EPB41L5: variants seen among roughly 807,000 people sequenced by gnomAD.
The protein encoded by EPB41L5 is band 4.1-like protein 5.
A neutral mutation model predicts 106.6 loss-of-function variants in EPB41L5; 55 were observed. The observed-to-expected ratio is 0.52, with a 90% CI of 0.42 to 0.65. The LOEUF (loss-of-function observed/expected upper bound fraction) is 0.65, where lower values mean the gene tolerates loss of function less well. EPB41L5 is among the 30% of genes least tolerant of loss of function. The pLI is 0.00. For missense variants in EPB41L5, 871 were observed against 882.1 expected, an observed-to-expected ratio of 0.99 and a Z score of 0.16; for synonymous variants, 297 against 306.7, an observed-to-expected ratio of 0.97 and a Z score of 0.33.
chr2:120,095,868 C>T (rs905812943), intron 14 of EPB41L5, among the ~76,000 whole-genome samples: 1 of 152,060 alleles, frequency 6.6e-6, no homozygotes, highest in Non-Finnish European at 1.5e-5. Context: ...CAGGATTTCA[C>T]CATGTTGGCC....
chr2:120,075,396 T>C, intron 5 of EPB41L5, 80 bp from the exon 6 acceptor site: 2 of 1,034,598 alleles, frequency 1.9e-6, no homozygotes, highest in South Asian at 1.4e-5. Flanking sequence ...GAAATAATAC[T>C]TCTCAAGTTA....
rs186364881 is a variant in EPB41L5 at position 120,029,946 on chromosome 2, A to T, written c.180+10682A>T. On this transcript the variant is annotated intron_variant, in intron 2 of 24. Coordinates refer to ENST00000263713, the MANE Select transcript of EPB41L5 (RefSeq NM_020909.4). ...GCCAGAGTTATTGACGGCTTTTTCCAGTCTTCGTAGCCCACACCTTGAGAA... is the reference window on the plus strand; with the variant it reads ...GCCAGAGTTATTGACGGCTTTTTCCTGTCTTCGTAGCCCACACCTTGAGAA... Among the ~76,000 whole-genome samples, 314 of 152,258 alleles carry T rather than the reference A, an allele frequency of 2.1e-3. 1 individual carries two copies. Among genetic ancestry groups the T allele is most frequent in the Non-Finnish European group, 1.9e-3 (127 of 68,008 alleles).
chr2:120,044,524 C>G (rs1679639230), intron 3 of EPB41L5, among the ~76,000 whole-genome samples: 1 of 152,124 alleles, frequency 6.6e-6, no homozygotes, highest in Non-Finnish European at 1.5e-5. Context: ...CTGTGACTTC[C>G]TGTTTTTTGA....
At position 120,013,222 on chromosome 2, in the gene EPB41L5, G is replaced by GCC. The variant is rs770550255; in HGVS notation, c.-9+14_-9+15dup. 3.3e-5 allele frequency: 5 copies of GCC among 151,836 alleles called. No individual in the cohort carries two copies. The East Asian group carries it at 7.8e-4, about 24-fold the overall frequency. 9.4% of individuals were successfully genotyped at this position (151,836 alleles called of 1,614,324 possible). A position where few individuals can be genotyped will look rare whatever the true frequency, so the allele number is the denominator to read the frequency against. On this transcript the variant is annotated intron_variant, in intron 1 of 24. Transcript: ENST00000263713. ...CGTCCCCAGCTCAGGTAAGCGCGAG[G>GCC]CCCGGCGGCGGCGCCGCAGTACAGT...
At chr2:120,032,374 G>A (rs78747338) in intron 2 of EPB41L5, among the ~76,000 whole-genome samples, 1,896 of 152,188 alleles carry the variant, frequency 0.012, 38 homozygotes, top group African/African-American at 0.044. Flanking sequence ...GTGAAACTTC[G>A]TCTCAAAAAC....
chr2:120,142,187 C>T (rs1448456029), intron 18 of EPB41L5, among the ~76,000 whole-genome samples: 3 of 149,368 alleles, frequency 2.0e-5, no homozygotes, highest in African/African-American at 7.4e-5. Context: ...TTAAGTGTAT[C>T]GTTCAGTGGT....
At chr2:120,157,016 A>G (rs553111631) in intron 20 of EPB41L5, among the ~76,000 whole-genome samples, 42 of 152,324 alleles carry the variant, frequency 2.8e-4, no homozygotes, top group African/African-American at 9.4e-4. Context: ...CACATACTCT[A>G]AAGTTGATTA....
chr2:120,106,142 A>C, intron 16 of EPB41L5: 1 of 985,330 alleles, frequency 1.0e-6, no homozygotes, highest in Non-Finnish European at 1.2e-6. Context: ...TTAAGGGAAG[A>C]TTCACCTCAT....
chr2:120,087,676 A>T (rs1414682985), intron 11 of EPB41L5, among the ~76,000 whole-genome samples: 1 of 152,232 alleles, frequency 6.6e-6, no homozygotes, highest in East Asian at 1.9e-4. Flanking sequence ...ATTTGTAGAG[A>T]TGGGATCTCA....
At chr2:120,047,350 G>A (rs986015969) in intron 3 of EPB41L5, among the ~76,000 whole-genome samples, 2 of 152,076 alleles carry the variant, frequency 1.3e-5, no homozygotes, top group Non-Finnish European at 2.9e-5. Flanking sequence ...GCAGTGGTTT[G>A]TAGTTCTCCT....
chr2:120,146,336 T>C (rs1686404243), intron 20 of EPB41L5, 47 bp downstream of exon 20: 1 of 1,405,826 alleles, frequency 7.1e-7, no homozygotes, highest in African/African-American at 1.4e-5. Flanking sequence ...TTATCTATCT[T>C]TGTCTTTTTT....
intron 16 of EPB41L5, among the ~76,000 whole-genome samples, chr2:120,118,954 C>G (rs998549895): frequency 2.0e-5 from 3 of 152,236 alleles, no homozygotes; most frequent in African/African-American, 2.4e-5. Flanking sequence ...TTCCCACCAA[C>G]AGTGTAAAAC....
chr2:120,066,654 TGTCTA>T (rs1334454890), intron 3 of EPB41L5, among the ~76,000 whole-genome samples: 1 of 152,208 alleles, frequency 6.6e-6, no homozygotes, highest in African/African-American at 2.4e-5. Context: ...CATTATCTAC[TGTCTA>T]GTCAGATTGC....
intron 3 of EPB41L5, among the ~76,000 whole-genome samples, chr2:120,058,877 C>G (rs1445731229): frequency 6.6e-6 from 1 of 152,186 alleles, no homozygotes; most frequent in Non-Finnish European, 1.5e-5. Context: ...TACCAGTTCT[C>G]CCCAAATTGA....
chr2:120,160,198 A>G (rs972826965), intron 20 of EPB41L5, among the ~76,000 whole-genome samples: 9 of 152,202 alleles, frequency 5.9e-5, no homozygotes, highest in Admixed American at 4.6e-4. Context: ...AAACCTGCAC[A>G]TGTACCTCTG....
intron 14 of EPB41L5, 121 bp from the exon 15 acceptor site, chr2:120,100,123 A>G: frequency 1.4e-6 from 1 of 718,640 alleles, no homozygotes. Context: ...TTTATTCTTT[A>G]TTTGAAACAA....
intron 2 of EPB41L5, among the ~76,000 whole-genome samples, chr2:120,024,927 C>T (rs182934090): frequency 6.6e-5 from 10 of 152,236 alleles, no homozygotes; most frequent in East Asian, 1.9e-4. Flanking sequence ...TGAGGATTTT[C>T]GCATCGATGT....
chr2:120,028,529 C>A lies in EPB41L5; in HGVS notation c.180+9265C>A, dbSNP rs1001308009. 2.0e-5 allele frequency among the ~76,000 whole-genome samples: 3 copies of A among 151,954 alleles called. No individual in the cohort carries two copies. The East Asian group carries it at 5.8e-4, about 29-fold the overall frequency. The stretch of plus-strand genomic sequence containing the variant: ...CCCGTGTGGGCAACAGAGAAAAAAA[C>A]AACAAAAGAAAGATACATAGGTTTA... On this transcript the variant is annotated intron_variant, in intron 2 of 24. Coordinates refer to ENST00000263713, the MANE Select transcript of EPB41L5 (RefSeq NM_020909.4).
chr2:120,120,665 C>T (rs1022578183), intron 16 of EPB41L5, among the ~76,000 whole-genome samples: 2 of 151,864 alleles, frequency 1.3e-5, no homozygotes, highest in Non-Finnish European at 2.9e-5. Flanking sequence ...GCTGTTACAC[C>T]TGGAAGCTCA....
Sources: gnomAD v4.1 joint callset for allele counts (sites outside exome capture counted in the v4.1 genomes callset) on GRCh38, gnomAD v4.1.1 for gene constraint, MANE v1.5 for transcripts, NCBI Gene and HGNC (gene_info 2026-07-23, HGNC 2026-07-21) for gene names.